The following ATP1A2 variants were observed in gnomAD, a reference collection of about 807,000 sequenced individuals.
ATP1A2 encodes sodium/potassium-transporting ATPase subunit alpha-2.
ATP1A2 carries 56 observed loss-of-function variants against 113.1 expected under a neutral mutation model. That is an observed-to-expected ratio of 0.49 (90% CI 0.40 to 0.62). ATP1A2 has a LOEUF of 0.62. ATP1A2 is among the 20% of genes least tolerant of loss of function. ATP1A2 has a pLI of 0.00. For missense variants in ATP1A2, 712 were observed against 1,357.8 expected, an observed-to-expected ratio of 0.52 and a Z score of 7.47; for synonymous variants, 490 against 526.8, an observed-to-expected ratio of 0.93 and a Z score of 0.96.
intron 7 of ATP1A2, among the ~76,000 whole-genome samples, chr1:160,126,990 C>T (rs1038879028): frequency 3.2e-4 from 49 of 152,068 alleles, no homozygotes; most frequent in African/African-American, 1.1e-3. Context: ...AAAACAGCAC[C>T]GAGATAGGAA....
rs146951883 is a variant in ATP1A2, at chr1:160,118,631, G to A, written c.13-2275G>A. 7.0e-3 allele frequency among the ~76,000 whole-genome samples: 1,069 copies of A among 152,148 alleles called. 19 individuals carry two copies. Among genetic ancestry groups the A allele is most frequent in the African/African-American group, 0.024 (1,008 of 41,502 alleles). Reference sequence around the variant, plus strand: ...TATACCAGATTCATAGATGCTTCAGGTGGAGACAAACCCACGATTTTACTG... The same window carrying A: ...TATACCAGATTCATAGATGCTTCAGATGGAGACAAACCCACGATTTTACTG... On this transcript the variant is annotated intron_variant, in intron 1 of 22. Coordinates refer to ENST00000361216, the MANE Select transcript of ATP1A2 (RefSeq NM_000702.4).
At chr1:160,119,710 T>G (rs1651318311) in intron 1 of ATP1A2, among the ~76,000 whole-genome samples, 6 of 151,668 alleles carry the variant, frequency 4.0e-5, no homozygotes, top group Admixed American at 3.9e-4. Context: ...CTCATAAGAC[T>G]ACAATTAAAA....
At chr1:160,123,482 G>T in intron 4 of ATP1A2, 66 bp downstream of exon 4, 2 of 1,597,222 alleles carry the variant, frequency 1.3e-6, no homozygotes, top group Non-Finnish European at 1.7e-6. Context: ...CCCCAACACA[G>T]TGGGGGGTGG....
chr1:160,120,509 A>C (rs1210091618), intron 1 of ATP1A2, among the ~76,000 whole-genome samples: 2 of 152,098 alleles, frequency 1.3e-5, no homozygotes, highest in African/African-American at 4.8e-5. Flanking sequence ...CTCCCTCAAC[A>C]ACCCCCCACA....
chr1:160,123,240 G>C lies in ATP1A2; in HGVS notation c.205G>C (p.Val69Leu). The change falls in exon 4 of 23, where the codon GTT becomes CTT. Residue 69 changes from valine (V) to leucine (L), a missense_variant. Physicochemically the swap from Val to Leu is conservative, Grantham distance 32 (BLOSUM62 1). Coordinates refer to ENST00000361216, the MANE Select transcript of ATP1A2 (RefSeq NM_000702.4). ...CCTCACCAACCAGCGGGCTCAGGACGTTCTGGCTCGAGATGGGCCCAACGC... is the reference window on the plus strand; with the variant it reads ...CCTCACCAACCAGCGGGCTCAGGACCTTCTGGCTCGAGATGGGCCCAACGC... ...KGLTNQRAQD[V>L]LARDGPNALT... 6.2e-7 allele frequency: 1 copy of C among 1,614,180 alleles called. No individual in the cohort carries two copies. Among genetic ancestry groups the C allele is most frequent in the Non-Finnish European group, 8.5e-7 (1 of 1,180,026 alleles).
chr1:160,143,343 G>T lies in ATP1A2; in HGVS notation c.*2021G>T, dbSNP rs138351113. The T allele has an allele frequency of 6.6e-6, 1 of 152,664 alleles. No individual in the cohort carries two copies. Among genetic ancestry groups the T allele is most frequent in the East Asian group, 1.9e-4 (1 of 5,186 alleles). The allele number at this position is 152,664 out of a possible 1,614,324, so 9.5% of individuals were successfully genotyped here. ...AATCAATAAAAATGGCATTTTTTTA[G>T]TAAATTAAGAGCATAAACAATATTG... On this transcript the variant is annotated 3_prime_UTR_variant, in exon 23 of 23. Coordinates refer to ENST00000361216, the MANE Select transcript of ATP1A2 (RefSeq NM_000702.4).
Position 160,137,067 on chromosome 1 carries a change from G to A in ATP1A2, c.2840+36G>A, listed in dbSNP as rs111331208. ...ACCCCCATGGCACCTACCCACCCAG[G>A]CTCTGGGCACACTCACCAACCCACA... On this transcript the variant is annotated intron_variant, in intron 20 of 22. Transcript: ENST00000361216. 27,875 of 1,613,518 alleles carry A rather than the reference G, an allele frequency of 0.017. 297 individuals are homozygous for A. The highest frequency in any genetic ancestry group is 0.026 in the Middle Eastern group (149 of 5,818).
chr1:160,140,162 C>G, intron 22 of ATP1A2, 178 bp downstream of exon 22: 2 of 653,664 alleles, frequency 3.1e-6, no homozygotes, highest in South Asian at 1.7e-5. Context: ...TGTCTCTGCC[C>G]TCTTCCCATC....
At chr1:160,139,612 C>T (rs1163637765) in intron 20 of ATP1A2, 28 bp from the exon 21 acceptor site, 1 of 1,604,278 alleles carries the variant, frequency 6.2e-7, no homozygotes, top group Non-Finnish European at 8.5e-7. Flanking sequence ...TCCCCCTTCA[C>T]CTGCCACCTC....
At chr1:160,140,429 A>G (rs547066181) in intron 22 of ATP1A2, among the ~76,000 whole-genome samples, 7 of 152,136 alleles carry the variant, frequency 4.6e-5, no homozygotes, top group Non-Finnish European at 1.0e-4. Context: ...AGCGTTTTTT[A>G]ATCACTTAGT....
chr1:160,127,434 C>T (rs1651619649), intron 7 of ATP1A2, 118 bp from the exon 8 acceptor site: 2 of 1,454,562 alleles, frequency 1.4e-6, no homozygotes, highest in Non-Finnish European at 9.4e-7. Context: ...ATGTGGCCTC[C>T]AGATCTGCGG....
At chr1:160,137,073 G>T in intron 20 of ATP1A2, 42 bp downstream of exon 20, 5 of 1,613,478 alleles carry the variant, frequency 3.1e-6, no homozygotes, top group Non-Finnish European at 4.2e-6. Context: ...CCAGGCTCTG[G>T]GCACACTCAC....
intron 22 of ATP1A2, 117 bp downstream of exon 22, chr1:160,140,101 CT>C: frequency 1.8e-6 from 2 of 1,084,244 alleles, no homozygotes; most frequent in Non-Finnish European, 2.8e-6. Context: ...CCTCAACACC[CT>C]CAGATCCTGG....
chr1:160,135,765 C>A lies in ATP1A2; in HGVS notation c.2285-74C>A, dbSNP rs899657797. 1.2e-6 allele frequency: 2 copies of A among 1,611,980 alleles called. No homozygotes were observed. Among genetic ancestry groups the A allele is most frequent in the African/African-American group, 2.7e-5 (2 of 74,858 alleles). Reference sequence around the variant, plus strand: ...AATCTTCCTCTCTTGGGAAGACAGGCAGCCATGCTTCAGGGGCTGGGGGTG... The same window carrying A: ...AATCTTCCTCTCTTGGGAAGACAGGAAGCCATGCTTCAGGGGCTGGGGGTG... On this transcript the variant is annotated intron_variant, in intron 16 of 22. Transcript: ENST00000361216. This position sits in a 1 kb window ranked among gnomAD's most constrained non-coding sequence, Gnocchi z 6.3.
intron 4 of ATP1A2, 136 bp downstream of exon 4, chr1:160,123,552 A>G: frequency 8.9e-7 from 1 of 1,127,438 alleles, no homozygotes; most frequent in Non-Finnish European, 1.3e-6. Context: ...TAGGCTGGAA[A>G]GGGGAGAGGC....
In ATP1A2 at chr1:160,125,281, A is replaced by G. The variant is rs779954038; in HGVS notation, c.748+28A>G. The G allele has an allele frequency of 7.6e-6, 12 of 1,573,968 alleles. No homozygotes were observed. The African/African-American group carries it at 1.5e-4, about 19-fold the overall frequency. ...GAGAAGCCAGGCTGCCCCCTGTAGG[A>G]AAGAGTCTGAATCCTGAATCCATAG... On this transcript the variant is annotated intron_variant, in intron 7 of 22. Transcript: ENST00000361216.
chr1:160,127,092 T>C (rs1043221380), intron 7 of ATP1A2, among the ~76,000 whole-genome samples: 3 of 152,164 alleles, frequency 2.0e-5, no homozygotes, highest in Non-Finnish European at 4.4e-5. Context: ...ACCCCTGTAA[T>C]GTCACACAAG....
intron 20 of ATP1A2, 53 bp from the exon 21 acceptor site, chr1:160,139,587 T>C: frequency 1.3e-6 from 2 of 1,515,304 alleles, no homozygotes; most frequent in East Asian, 2.3e-5. Context: ...TATCCCAGGA[T>C]CTCTGCCTCC....
intron 20 of ATP1A2, among the ~76,000 whole-genome samples, chr1:160,138,831 G>GA (rs34949043): frequency 4.6e-5 from 7 of 151,232 alleles, no homozygotes; most frequent in Non-Finnish European, 5.9e-5. Flanking sequence ...CTCTGTCTCA[G>GA]AAAAAAAAAG....
Sources: allele counts gnomAD v4.1 joint callset (sites outside exome capture counted in the v4.1 genomes callset), GRCh38; gene constraint gnomAD v4.1.1; non-coding constraint Gnocchi (gnomAD v3.1); transcripts MANE v1.5; gene names NCBI Gene and HGNC (gene_info 2026-07-23, HGNC 2026-07-21).